The following TUSC3 variants were observed in gnomAD, a reference collection of about 807,000 sequenced individuals.
TUSC3 encodes dolichyl-diphosphooligosaccharide--protein glycosyltransferase subunit TUSC3.
A neutral mutation model predicts 44.8 loss-of-function variants in TUSC3; 45 were observed. The ratio of observed to expected loss-of-function variants is 1.00; its 90% CI spans 0.79 to 1.29. TUSC3 has a LOEUF of 1.29. Ranked by LOEUF, TUSC3 falls within the 50% of genes most tolerant of loss-of-function variation. The pLI is 0.00. For missense variants in TUSC3, 519 were observed against 437.9 expected (o/e 1.19, Z -1.65); for synonymous variants, 212 against 152.9 (o/e 1.39, Z -2.85).
At chr8:15,782,577 C>G in the TUSC3 span, among the ~76,000 whole-genome samples, 1 of 152,160 alleles carries the variant, frequency 6.6e-6, no homozygotes, top group Admixed American at 6.5e-5. Flanking sequence ...GATGGCTCAA[C>G]AACATGCACA....
chr8:15,451,968 G>A (rs1488103852), intron 1 of TUSC3, among the ~76,000 whole-genome samples: 1 of 152,010 alleles, frequency 6.6e-6, no homozygotes, highest in Non-Finnish European at 1.5e-5. Context: ...ATAATGTGAG[G>A]CCTTTCCACA....
chr8:15,850,000 A>C, the TUSC3 span, among the ~76,000 whole-genome samples: 1 of 151,976 alleles, frequency 6.6e-6, no homozygotes, highest in African/African-American at 2.4e-5. Context: ...ATTTGATACC[A>C]TTCATCTTCG....
chr8:15,778,779 T>A, the TUSC3 span, among the ~76,000 whole-genome samples: 1 of 152,162 alleles, frequency 6.6e-6, no homozygotes, highest in South Asian at 2.1e-4. Context: ...CCTCCAAAAT[T>A]AACATCCTTA....
At chr8:15,842,404 C>G in the TUSC3 span, among the ~76,000 whole-genome samples, 1 of 152,144 alleles carries the variant, frequency 6.6e-6, no homozygotes, top group Non-Finnish European at 1.5e-5. Flanking sequence ...AAGCTCTTAG[C>G]ACAGTACCTG....
At chr8:15,506,479 A>G (rs1258526628) in intron 2 of TUSC3, among the ~76,000 whole-genome samples, 1 of 152,270 alleles carries the variant, frequency 6.6e-6, no homozygotes, top group East Asian at 1.9e-4. Context: ...GCTCATTTTC[A>G]TGCTGTTATG....
At position 15,469,673 on chromosome 8, in the gene TUSC3, C is replaced by T. The variant is rs141489490; in HGVS notation, n.92-13713C>T. 6.0e-4 allele frequency among the ~76,000 whole-genome samples: 92 copies of T among 152,274 alleles called. 1 individual carries two copies. The highest frequency in any genetic ancestry group is 2.2e-3 in the African/African-American group (90 of 41,554). On this transcript the variant is annotated intron_variant and non_coding_transcript_variant, in intron 1 of 5. Transcript: ENST00000503191. ...TTTACCCAAATGAATTGAAAACTTA[C>T]GTCCATAGAAAAACCTGCACACAGA...
chr8:15,784,979 C>T, the TUSC3 span, among the ~76,000 whole-genome samples: 1 of 151,512 alleles, frequency 6.6e-6, no homozygotes, highest in African/African-American at 2.4e-5. Flanking sequence ...ACAATACATA[C>T]ATGTACAGAA....
In TUSC3 at chr8:15,524,056, C is replaced by A. The variant is rs1265599954; in HGVS notation, n.189+40573C>A. Among the ~76,000 whole-genome samples, 130 of 135,568 alleles carry A rather than the reference C, an allele frequency of 9.6e-4. 1 individual carries two copies. The highest frequency in any genetic ancestry group is 4.0e-3 in the Middle Eastern group (1 of 250). The allele number at this position is 135,568 out of a possible 152,430, so 88.9% of individuals were successfully genotyped here. A position where few individuals can be genotyped will look rare whatever the true frequency, so the allele number is the denominator to read the frequency against. Reference sequence around the variant, plus strand: ...GGCAACAGACAGAGTGACTCCGTCTCAAAAAAAAAAAAAAATAGAAATCAG... The same window carrying A: ...GGCAACAGACAGAGTGACTCCGTCTAAAAAAAAAAAAAAAATAGAAATCAG... On this transcript the variant is annotated intron_variant and non_coding_transcript_variant, in intron 2 of 5. Coordinates refer to the TUSC3 transcript ENST00000503191.
At chr8:15,662,331 T>G (rs1807460165) in intron 5 of TUSC3, 35 bp downstream of exon 5, 1 of 1,611,294 alleles carries the variant, frequency 6.2e-7, no homozygotes, top group African/African-American at 1.3e-5. Context: ...TTATTTCCTG[T>G]TCTTTGTGTA....
intron 1 of TUSC3, among the ~76,000 whole-genome samples, chr8:15,463,023 C>T (rs1329236586): frequency 1.3e-5 from 2 of 151,986 alleles, no homozygotes; most frequent in Middle Eastern, 3.2e-3. Flanking sequence ...TTTTCTGTTT[C>T]TCCTCCTCCT....
At chr8:15,494,946 A>T (rs1800860514) in intron 2 of TUSC3, among the ~76,000 whole-genome samples, 1 of 152,172 alleles carries the variant, frequency 6.6e-6, no homozygotes, top group African/African-American at 2.4e-5. Flanking sequence ...CTTAATAGCA[A>T]AAACATTGTG....
Position 15,764,297 on chromosome 8 carries a change from T to C in TUSC3, c.*141T>C. 1 of 1,460,520 alleles carries C rather than the reference T, an allele frequency of 6.8e-7. No individual in the cohort carries two copies. The highest frequency in any genetic ancestry group is 9.5e-7 in the Non-Finnish European group (1 of 1,049,036). The allele number at this position is 1,460,520 out of a possible 1,614,324, so 90.5% of individuals were successfully genotyped here. A position where few individuals can be genotyped will look rare whatever the true frequency, so the allele number is the denominator to read the frequency against. On this transcript the variant is annotated 3_prime_UTR_variant, in exon 11 of 11. Transcript: ENST00000503731. Reference sequence around the variant, plus strand: ...TGACTTTATACTATTTTGAATTCATTCATTTCATTGTGATCAGCTAGCTTA... The same window carrying C: ...TGACTTTATACTATTTTGAATTCATCCATTTCATTGTGATCAGCTAGCTTA...
chr8:15,495,141 ATCCACTCAACCG>A (rs1563265956), intron 2 of TUSC3, among the ~76,000 whole-genome samples: 1 of 150,360 alleles, frequency 6.7e-6, no homozygotes, highest in Admixed American at 6.6e-5. Context: ...TATTTTCTTC[ATCCACTCAACCG>A]CTGATGAGCA....
At chr8:15,660,206 T>C (rs13264325) in intron 4 of TUSC3, among the ~76,000 whole-genome samples, 31,537 of 151,936 alleles carry the variant, frequency 0.21, 4,140 homozygotes, top group Non-Finnish European at 0.3. Flanking sequence ...ATAATATTCA[T>C]TTTATTGGGA....
intron 2 of TUSC3, among the ~76,000 whole-genome samples, chr8:15,626,253 T>C (rs1805504512): frequency 6.6e-6 from 1 of 152,048 alleles, no homozygotes; most frequent in African/African-American, 2.4e-5. Context: ...CTACGGGGAA[T>C]AGGGAGAAGC....
At chr8:15,569,234 T>C (rs1802781582) in intron 1 of TUSC3, among the ~76,000 whole-genome samples, 1 of 152,206 alleles carries the variant, frequency 6.6e-6, no homozygotes, top group Admixed American at 6.5e-5. Flanking sequence ...GATAAGCTAC[T>C]AAATTCTTTT....
chr8:15,663,762 T>A (rs1807530659), intron 5 of TUSC3, among the ~76,000 whole-genome samples: 3 of 151,944 alleles, frequency 2.0e-5, no homozygotes. Flanking sequence ...TGATCTTAAT[T>A]ACCTTAGTCA....
intron 2 of TUSC3, among the ~76,000 whole-genome samples, chr8:15,646,837 A>C (rs964183885): frequency 2.6e-5 from 4 of 152,154 alleles, no homozygotes; most frequent in Non-Finnish European, 5.9e-5. Flanking sequence ...AACATTTTAT[A>C]CAGTAAACTT....
intron 10 of TUSC3, among the ~76,000 whole-genome samples, chr8:15,762,355 T>C (rs1327238900): frequency 1.3e-5 from 2 of 152,008 alleles, no homozygotes. Context: ...CATAATGATA[T>C]AAACAACTGA....
Sources: allele counts gnomAD v4.1 joint callset (sites outside exome capture counted in the v4.1 genomes callset), GRCh38; gene constraint gnomAD v4.1.1; transcripts MANE v1.5; gene names NCBI Gene and HGNC (gene_info 2026-07-23, HGNC 2026-07-21).